Variants in CRTC3 observed in about 807,000 individuals in gnomAD.
CRTC3 encodes the protein CREB regulated transcription coactivator 3.
CRTC3 carries 26 observed loss-of-function variants against 74.5 expected under a neutral mutation model. The ratio of observed to expected loss-of-function variants is 0.35; its 90% CI spans 0.26 to 0.48. The LOEUF (loss-of-function observed/expected upper bound fraction) is 0.48, where lower values mean the gene tolerates loss of function less well. CRTC3 is among the 20% of genes least tolerant of loss of function. The pLI is 0.99. For synonymous variants in CRTC3, 377 were observed against 325.8 expected, an observed-to-expected ratio of 1.16 and a Z score of -1.69; for missense variants, 760 against 787.3, an observed-to-expected ratio of 0.97 and a Z score of 0.41.
intron 11 of CRTC3, chr15:90,634,940 TC>T: frequency 6.4e-7 from 1 of 1,573,200 alleles, no homozygotes; most frequent in Non-Finnish European, 8.7e-7. Context: ...ATAAAGTTCT[TC>T]TCCCAGAATA....
intron 3 of CRTC3, among the ~76,000 whole-genome samples, chr15:90,597,088 A>C (rs906043389): frequency 9.2e-5 from 14 of 152,354 alleles, no homozygotes; most frequent in African/African-American, 3.4e-4. Context: ...CACAAGACCA[A>C]GGCACAGCTG....
At chr15:90,549,304 GTA>G (rs1161887368) in intron 2 of CRTC3, among the ~76,000 whole-genome samples, 1 of 140,182 alleles carries the variant, frequency 7.1e-6, no homozygotes, top group East Asian at 2.0e-4. Context: ...GTGTGTGTGT[GTA>G]TGTGTGTGTG....
At chr15:90,636,557 G>A (rs1029272465) in intron 11 of CRTC3, among the ~76,000 whole-genome samples, 8 of 151,912 alleles carry the variant, frequency 5.3e-5, no homozygotes, top group African/African-American at 1.9e-4. Flanking sequence ...ATTAACAAAT[G>A]GGATCTAATT....
At chr15:90,567,318 A>G (rs1018042619) in intron 2 of CRTC3, among the ~76,000 whole-genome samples, 6 of 152,016 alleles carry the variant, frequency 3.9e-5, no homozygotes, top group African/African-American at 1.4e-4. Context: ...TACTGCTCAG[A>G]AAAAAAAGAT....
chr15:90,589,957 C>T (rs563378625), intron 2 of CRTC3, among the ~76,000 whole-genome samples: 2 of 151,686 alleles, frequency 1.3e-5, no homozygotes, highest in African/African-American at 4.8e-5. Flanking sequence ...ACACTCCATC[C>T]TGGGCAACAG....
chr15:90,638,387 A>G, intron 11 of CRTC3, 59 bp from the exon 12 acceptor site: 1 of 1,445,952 alleles, frequency 6.9e-7, no homozygotes, highest in African/African-American at 1.4e-5. Context: ...CCTAATCCTA[A>G]AGGACTTAAC....
At chr15:90,545,041 T>A (rs540549754) in intron 2 of CRTC3, among the ~76,000 whole-genome samples, 16 of 152,346 alleles carry the variant, frequency 1.1e-4, no homozygotes, top group African/African-American at 1.9e-4. Flanking sequence ...ACTACTGTTT[T>A]TTCTGTCTCT....
chr15:90,594,797 ATGGCCCAGCC>A (rs1393809779), intron 3 of CRTC3: 1 of 152,146 alleles, frequency 6.6e-6, no homozygotes. Flanking sequence ...GGCCCCGCTG[ATGGCCCAGCC>A]TGTGCTCTCC....
At chr15:90,597,152 T>C (rs556678057) in intron 3 of CRTC3, among the ~76,000 whole-genome samples, 28 of 152,342 alleles carry the variant, frequency 1.8e-4, no homozygotes, top group African/African-American at 6.5e-4. Flanking sequence ...CTGCCAGGGC[T>C]TGCTCCTGGC....
Position 90,642,182 on chromosome 15 carries a change from C to G in CRTC3, c.*42C>G, listed in dbSNP as rs1969474082. 4.5e-6 allele frequency: 7 copies of G among 1,554,374 alleles called. No homozygotes were observed. Among genetic ancestry groups the G allele is most frequent in the South Asian group, 1.1e-5 (1 of 89,618 alleles). ...CAGAAGAATGTTTTTCTGCAACAGC[C>G]AAAATAGAATGGAATAGAATGAAGC... is the stretch of plus-strand genomic sequence containing the variant. On this transcript the variant is annotated 3_prime_UTR_variant, in exon 15 of 15. Transcript: ENST00000268184.
intron 2 of CRTC3, among the ~76,000 whole-genome samples, chr15:90,565,135 A>G (rs1967096190): frequency 1.3e-5 from 2 of 152,110 alleles, no homozygotes; most frequent in African/African-American, 4.8e-5. Flanking sequence ...TTTAGTAGAG[A>G]CGGGGTTTCT....
intron 6 of CRTC3, among the ~76,000 whole-genome samples, chr15:90,610,958 G>C (rs1335916695): frequency 1.3e-5 from 2 of 152,204 alleles, no homozygotes; most frequent in Admixed American, 6.5e-5. Context: ...TAGCGTGGAG[G>C]GGGCTTGGCA....
chr15:90,619,977 A>G, intron 9 of CRTC3, 187 bp downstream of exon 9: 1 of 585,968 alleles, frequency 1.7e-6, no homozygotes, highest in Non-Finnish European at 3.0e-6. Context: ...AACTAATTAA[A>G]TTACATGACT....
At chr15:90,597,271 C>T (rs761078998) in intron 3 of CRTC3, among the ~76,000 whole-genome samples, 5 of 152,226 alleles carry the variant, frequency 3.3e-5, no homozygotes, top group African/African-American at 4.8e-5. Context: ...GCAGACGTGC[C>T]GTGTCCCAAA....
intron 1 of CRTC3, 106 bp from the exon 2 acceptor site, chr15:90,539,933 A>G (rs1966776347): frequency 2.5e-6 from 2 of 798,408 alleles, no homozygotes; most frequent in Non-Finnish European, 4.2e-6. Context: ...AGAAATTGAA[A>G]CAAGACTTTC....
intron 11 of CRTC3, chr15:90,634,622 G>A (rs575593153): frequency 6.2e-6 from 3 of 484,364 alleles, no homozygotes; most frequent in Non-Finnish European, 1.1e-5. Context: ...TCAGGGCCTG[G>A]TGATCCTCAG....
intron 2 of CRTC3, among the ~76,000 whole-genome samples, chr15:90,590,192 C>A (rs1967767730): frequency 6.6e-6 from 1 of 151,826 alleles, no homozygotes; most frequent in Non-Finnish European, 1.5e-5. Flanking sequence ...ACTGGGGAGG[C>A]TGAGGCAGGG....
intron 9 of CRTC3, among the ~76,000 whole-genome samples, chr15:90,625,261 C>A (rs868761867): frequency 6.6e-6 from 1 of 152,242 alleles, no homozygotes; most frequent in African/African-American, 2.4e-5. Flanking sequence ...CGCCAACATG[C>A]GGCCCGCTGC....
intron 2 of CRTC3, among the ~76,000 whole-genome samples, chr15:90,573,754 T>G (rs1967333118): frequency 1.3e-5 from 2 of 152,256 alleles, no homozygotes; most frequent in Non-Finnish European, 2.9e-5. Flanking sequence ...GGCAGATACA[T>G]ATGAACATAC....
Sources: gnomAD v4.1 joint callset for allele counts (sites outside exome capture counted in the v4.1 genomes callset) on GRCh38, gnomAD v4.1.1 for gene constraint, MANE v1.5 for transcripts, NCBI Gene and HGNC (gene_info 2026-07-23, HGNC 2026-07-21) for gene names.